FSCN1: variants seen among roughly 807,000 people sequenced by gnomAD.
FSCN1 encodes fascin actin-bundling protein 1.
A neutral mutation model predicts 39.7 loss-of-function variants in FSCN1; 10 were observed. That is an observed-to-expected ratio of 0.25 (90% CI 0.16 to 0.43). The LOEUF (loss-of-function observed/expected upper bound fraction) is 0.43, where lower values mean the gene tolerates loss of function less well. FSCN1 is among the 20% of genes least tolerant of loss of function. The pLI, the probability that FSCN1 is intolerant of heterozygous loss-of-function variation, is 1.00. For synonymous variants in FSCN1, 322 were observed against 320.0 expected, an observed-to-expected ratio of 1.01 and a Z score of -0.07; for missense variants, 525 against 723.8, an observed-to-expected ratio of 0.73 and a Z score of 3.15.
Position 5,593,466 on chromosome 7 carries a change from T to C in FSCN1, c.530T>C (p.Ile177Thr). The change falls in exon 1 of 5, where the codon ATC (isoleucine) becomes ACC (threonine). Residue 177 changes from isoleucine to threonine, a missense_variant. Ile to Thr is a moderately conservative substitution (Grantham distance 89). Coordinates refer to ENST00000382361, the MANE Select transcript of FSCN1 (RefSeq NM_003088.4). The stretch of plus-strand genomic sequence containing the variant: ...GTGCCCTGGGGCGTCGACTCGCTCA[T>C]CACCCTCGCCTTCCAGGACCAGCGC... ...RDVPWGVDSL[I>T]TLAFQDQRYS... 6.2e-7 allele frequency: 1 copy of C among 1,611,748 alleles called. No homozygotes were observed. The highest frequency in any genetic ancestry group is 8.5e-7 in the Non-Finnish European group (1 of 1,179,692).
At chr7:5,598,272 A>C (rs1785766298) in intron 1 of FSCN1, among the ~76,000 whole-genome samples, 1 of 152,248 alleles carries the variant, frequency 6.6e-6, no homozygotes, top group African/African-American at 2.4e-5. Context: ...CCTTTGCATC[A>C]AACCAGTTCC....
intron 1 of FSCN1, among the ~76,000 whole-genome samples, chr7:5,594,220 C>CA (rs1358793521): frequency 1.1e-4 from 17 of 152,204 alleles, no homozygotes; most frequent in Non-Finnish European, 2.2e-4. Flanking sequence ...GGCGCGCCTC[C>CA]ACCCCCACCG....
rs760244637 is a variant in FSCN1, at chr7:5,605,661, G to A, written c.*187G>A. 1.0e-5 allele frequency: 6 copies of A among 585,236 alleles called. No individual in the cohort carries two copies. The highest frequency in any genetic ancestry group is 4.2e-5 in the South Asian group (2 of 47,348). The allele number at this position is 585,236 out of a possible 1,614,324, so 36.3% of individuals were successfully genotyped here. A position where few individuals can be genotyped will look rare whatever the true frequency, so the allele number is the denominator to read the frequency against. On this transcript the variant is annotated 3_prime_UTR_variant, in exon 5 of 5. Coordinates refer to ENST00000382361, the MANE Select transcript of FSCN1 (RefSeq NM_003088.4). The surrounding 1 kb of genome is among the most constrained non-coding windows in gnomAD (Gnocchi z 6.9). ...GGACTCCCCACTCTCCCCTCCGCCC[G>A]GGTTCCCTACTCCCCTCGGGTCAGC...
chr7:5,605,571 C>T lies in FSCN1; in HGVS notation c.*97C>T. ...GCCAGGTGGGCTCCAGGGCGGGAGG[C>T]AAGCCCCCTTGCCTTTCAAACTGGA... On this transcript the variant is annotated 3_prime_UTR_variant, in exon 5 of 5. Transcript: ENST00000382361. The surrounding 1 kb of genome is among the most constrained non-coding windows in gnomAD (Gnocchi z 6.9). 1 of 924,498 alleles carries T rather than the reference C, an allele frequency of 1.1e-6. No homozygotes were observed. Among genetic ancestry groups the T allele is most frequent in the Non-Finnish European group, 1.6e-6 (1 of 626,082 alleles). 57.3% of individuals were successfully genotyped at this position (924,498 alleles called of 1,614,324 possible).
chr7:5,603,420 G>A lies in FSCN1; in HGVS notation c.989+7G>A, dbSNP rs193001737. On this transcript the variant is annotated splice_region_variant and intron_variant, in intron 2 of 4. Coordinates refer to ENST00000382361, the MANE Select transcript of FSCN1 (RefSeq NM_003088.4). This position sits in a 1 kb window ranked among gnomAD's most constrained non-coding sequence, Gnocchi z 8.5. ...AGTCCACCGCCTCCAGCAAGTGAGT[G>A]CCTCGCTCCCACCTGTCACCGCCCC... is the stretch of plus-strand genomic sequence containing the variant. 546 of 1,613,732 alleles carry A rather than the reference G, an allele frequency of 3.4e-4. 5 individuals are homozygous for A. The East Asian group carries it at 9.4e-3, about 28-fold the overall frequency.
At position 5,603,013 on chromosome 7, in the gene FSCN1, AT is replaced by A. The variant is rs1785861677; in HGVS notation, c.833-242del. The A allele has an allele frequency of 3.6e-6, 2 of 553,022 alleles. No homozygotes were observed. The highest frequency in any genetic ancestry group is 6.3e-5 in the Admixed American group (2 of 31,528). 34.3% of individuals were successfully genotyped at this position (553,022 alleles called of 1,614,324 possible). ...GCATGAGCCCCTGTCCCTGGCCCCT[AT>A]TATTTCTCTAACTGGGGAAAGTCAT... On this transcript the variant is annotated intron_variant, in intron 1 of 4. Transcript: ENST00000382361. The surrounding 1 kb of genome is among the most constrained non-coding windows in gnomAD (Gnocchi z 8.5).
At chr7:5,594,052 C>CT (rs1307718209) in intron 1 of FSCN1, 3 of 414,104 alleles carry the variant, frequency 7.2e-6, no homozygotes, top group Non-Finnish European at 1.3e-5. Context: ...CTAACCCCCC[C>CT]CCCCGCCCAA....
chr7:5,597,148 G>T (rs1182438238), intron 1 of FSCN1, among the ~76,000 whole-genome samples: 10 of 150,732 alleles, frequency 6.6e-5, no homozygotes, highest in Admixed American at 5.3e-4. Context: ...GAGGGAAGAT[G>T]GCTTCAGCCC....
rs1183525220 is a variant in FSCN1 at position 5,592,841 on chromosome 7, G to C, written c.-96G>C. On this transcript the variant is annotated 5_prime_UTR_variant, in exon 1 of 5. Transcript: ENST00000382361. The surrounding 1 kb of genome is among the most constrained non-coding windows in gnomAD (Gnocchi z 5.3). The stretch of plus-strand genomic sequence containing the variant: ...GTGGAGCGCTGCGGAGGGTGCGTGC[G>C]GGCCGCGGCAGCCGAACAAAGGAGC... The C allele has an allele frequency of 5.7e-6, 4 of 700,786 alleles. No homozygotes were observed. Among genetic ancestry groups the C allele is most frequent in the Middle Eastern group, 4.2e-4 (1 of 2,408 alleles). The allele number at this position is 700,786 out of a possible 1,614,324, so 43.4% of individuals were successfully genotyped here.
chr7:5,601,009 T>C (rs1785819667), intron 1 of FSCN1, among the ~76,000 whole-genome samples: 1 of 131,870 alleles, frequency 7.6e-6, no homozygotes, highest in Admixed American at 7.2e-5. Context: ...CAGGCTGGTC[T>C]CAAACTCCTG....
rs1425311230 is a variant in FSCN1 at position 5,605,606 on chromosome 7, G to C, written c.*132G>C. ...TGCCTTTCAAACTGGAAACCCCAGA[G>C]AAAACGGTGCCCCCACCTGTCGCCC... On this transcript the variant is annotated 3_prime_UTR_variant, in exon 5 of 5. Coordinates refer to ENST00000382361, the MANE Select transcript of FSCN1 (RefSeq NM_003088.4). This position sits in a 1 kb window ranked among gnomAD's most constrained non-coding sequence, Gnocchi z 6.9. 3 of 686,406 alleles carry C rather than the reference G, an allele frequency of 4.4e-6. No individual in the cohort carries two copies. Among genetic ancestry groups the C allele is most frequent in the Non-Finnish European group, 7.2e-6 (3 of 415,494 alleles). The allele number at this position is 686,406 out of a possible 1,614,324, so 42.5% of individuals were successfully genotyped here.
Position 5,593,440 on chromosome 7 carries a change from C to T in FSCN1, c.504C>T (p.Asp168=). The change falls in exon 1 of 5, where the codon GAC becomes GAT. Residue 168 remains aspartate (D), a synonymous_variant. Coordinates refer to ENST00000382361, the MANE Select transcript of FSCN1 (RefSeq NM_003088.4). ...RPADEIAVDR[D]VPWGVDSLIT... The stretch of plus-strand genomic sequence containing the variant: ...CCGACGAGATCGCCGTGGACCGCGA[C>T]GTGCCCTGGGGCGTCGACTCGCTCA... 1 of 1,612,040 alleles carries T rather than the reference C, an allele frequency of 6.2e-7. No individual in the cohort carries two copies. The highest frequency in any genetic ancestry group is 8.5e-7 in the Non-Finnish European group (1 of 1,179,744).
chr7:5,599,865 C>T lies in FSCN1; in HGVS notation c.833-3392C>T, dbSNP rs1785795500. Among the ~76,000 whole-genome samples the T allele has an allele frequency of 6.6e-6, 1 of 152,072 alleles. No individual in the cohort carries two copies. The highest frequency in any genetic ancestry group is 1.5e-5 in the Non-Finnish European group (1 of 68,006). ...GGGTGTGGGCTCTACCACCCACCAG[C>T]CTCCCTCTCCTGTGGGTGCTGCCTG... On this transcript the variant is annotated intron_variant, in intron 1 of 4. Transcript: ENST00000382361. This position sits in a 1 kb window ranked among gnomAD's most constrained non-coding sequence, Gnocchi z 5.6.
In FSCN1 at chr7:5,593,433, A is replaced by G. The variant is rs1342392528; in HGVS notation, c.497A>G (p.Asp166Gly). 9 of 1,611,924 alleles carry G rather than the reference A, an allele frequency of 5.6e-6. No homozygotes were observed. The part of the protein sequence containing the change: ...SARPADEIAV[D>G]RDVPWGVDSL... The stretch of plus-strand genomic sequence containing the variant: ...CGGCCGGCCGACGAGATCGCCGTGG[A>G]CCGCGACGTGCCCTGGGGCGTCGAC... The change falls in exon 1 of 5, where the codon GAC (aspartate) becomes GGC (glycine). Residue 166 changes from aspartate (D) to glycine (G), a missense_variant. Coordinates refer to ENST00000382361, the MANE Select transcript of FSCN1 (RefSeq NM_003088.4).
chr7:5,604,520 C>CT (rs11396923), intron 4 of FSCN1, among the ~76,000 whole-genome samples: 77,729 of 151,778 alleles, frequency 0.51, 20,204 homozygotes, highest in East Asian at 0.76. Flanking sequence ...CCTGGCTGGA[C>CT]TGCAGTGGCG....
rs931714893 is a variant in FSCN1 at position 5,599,261 on chromosome 7, T to TG, written c.833-3990dup. 6.6e-6 allele frequency among the ~76,000 whole-genome samples: 1 copy of TG among 151,514 alleles called. No homozygotes were observed. The highest frequency in any genetic ancestry group is 1.5e-5 in the Non-Finnish European group (1 of 67,808). On this transcript the variant is annotated intron_variant, in intron 1 of 4. Coordinates refer to ENST00000382361, the MANE Select transcript of FSCN1 (RefSeq NM_003088.4). The surrounding 1 kb of genome is among the most constrained non-coding windows in gnomAD (Gnocchi z 5.6). Reference sequence around the variant, plus strand: ...CCGGCTTAAGGGGCCCCAGGGAACCTGGGGGGTGGAGCCCAAGGGGTTCCA... The same window carrying TG: ...CCGGCTTAAGGGGCCCCAGGGAACCTGGGGGGGTGGAGCCCAAGGGGTTCCA...
In FSCN1 at chr7:5,593,286, ACCGCCTGTCCTGCTTCGC is replaced by A; in HGVS notation, c.351_368del (p.Asp117_Ala123delinsGlu). The A allele has an allele frequency of 6.2e-7, 1 of 1,610,092 alleles. No individual in the cohort carries two copies. Among genetic ancestry groups the A allele is most frequent in the Non-Finnish European group, 8.5e-7 (1 of 1,179,102 alleles). ...CGGCGCTACTTCGGCGGCACCGAGG[ACCGCCTGTCCTGCTTCGC>A]GCAGACGGTGTCCCCCGCCGAGAAG... On this transcript the variant is annotated inframe_deletion, in exon 1 of 5. Coordinates refer to ENST00000382361, the MANE Select transcript of FSCN1 (RefSeq NM_003088.4).
intron 1 of FSCN1, among the ~76,000 whole-genome samples, chr7:5,594,332 C>T (rs373892914): frequency 2.3e-4 from 35 of 152,100 alleles, no homozygotes; most frequent in East Asian, 9.8e-4. Context: ...CACCTCCTCC[C>T]GCTGCCGGGC....
chr7:5,606,299 GGC>G lies in FSCN1; in HGVS notation c.*827_*828del, dbSNP rs1400639182. 1 of 152,104 alleles carries G rather than the reference GGC, an allele frequency of 6.6e-6. No homozygotes were observed. The highest frequency in any genetic ancestry group is 1.5e-5 in the Non-Finnish European group (1 of 68,020). 9.4% of individuals were successfully genotyped at this position (152,104 alleles called of 1,614,324 possible). ...GCCTGGCTGTAGTAGCGAGTGATCTGGCGGGGGGCGTCTCAGCACCCTCCCCA... is the reference window on the plus strand; with the variant it reads ...GCCTGGCTGTAGTAGCGAGTGATCTGGGGGGGCGTCTCAGCACCCTCCCCA... On this transcript the variant is annotated 3_prime_UTR_variant, in exon 5 of 5. Coordinates refer to ENST00000382361, the MANE Select transcript of FSCN1 (RefSeq NM_003088.4). This position sits in a 1 kb window ranked among gnomAD's most constrained non-coding sequence, Gnocchi z 5.1.
Sources: allele counts gnomAD v4.1 joint callset (sites outside exome capture counted in the v4.1 genomes callset), GRCh38; gene constraint gnomAD v4.1.1; non-coding constraint Gnocchi (gnomAD v3.1); transcripts MANE v1.5; gene names NCBI Gene and HGNC (gene_info 2026-07-23, HGNC 2026-07-21).